Variants in TRAF3IP1 observed in about 807,000 individuals in gnomAD.
TRAF3IP1 encodes the protein intraflagellar transport 54.
In TRAF3IP1, 53 loss-of-function variants were observed where a neutral mutation model predicts 89.9. The ratio of observed to expected loss-of-function variants is 0.59; its 90% CI spans 0.47 to 0.74. The LOEUF (loss-of-function observed/expected upper bound fraction) is 0.74. Ranked by LOEUF, TRAF3IP1 falls within the 30% of genes least tolerant of loss-of-function variation. The pLI is 0.00. For missense variants in TRAF3IP1, 806 were observed against 866.1 expected (o/e 0.93, Z 0.87); for synonymous variants, 311 against 322.1 (o/e 0.97, Z 0.37).
At chr2:238,362,881 C>T (rs1699721977) in intron 15 of TRAF3IP1, among the ~76,000 whole-genome samples, 1 of 152,242 alleles carries the variant, frequency 6.6e-6, no homozygotes, top group Non-Finnish European at 1.5e-5. Flanking sequence ...ATGTGGGCCG[C>T]ACACAGTGGC....
chr2:238,386,299 T>C (rs1437257185), intron 15 of TRAF3IP1, among the ~76,000 whole-genome samples: 2 of 152,134 alleles, frequency 1.3e-5, no homozygotes, highest in Admixed American at 1.3e-4. Flanking sequence ...CTGAAAAATA[T>C]AACTCTTAAA....
intron 2 of TRAF3IP1, 35 bp downstream of exon 2, chr2:238,325,409 C>T (rs761571712): frequency 3.5e-5 from 57 of 1,608,738 alleles, no homozygotes; most frequent in African/African-American, 1.5e-4. Flanking sequence ...ATTGACTCCT[C>T]GCCTTAACGG....
rs565144429 is a variant in TRAF3IP1 at position 238,396,830 on chromosome 2, G to A, written c.1690-629G>A. 6.2e-4 allele frequency among the ~76,000 whole-genome samples: 94 copies of A among 152,224 alleles called. 1 individual carries two copies. The highest frequency in any genetic ancestry group is 2.2e-3 in the African/African-American group (92 of 41,534). On this transcript the variant is annotated intron_variant, in intron 15 of 16. Transcript: ENST00000373327. ...CCTGGACTCTGTGGCCTCCCTGAGC[G>A]GCCAGCACAGTCACGTCTAAGTCGA...
In TRAF3IP1 at chr2:238,386,415, C is replaced by T. The variant is rs1700775557; in HGVS notation, c.1690-11044C>T. ...GCAACCTCCGCCTCCCAGGTTCAAG[C>T]GATTCTCCTGCCTCAGCCTCCCAAG... is the stretch of plus-strand genomic sequence containing the variant. On this transcript the variant is annotated intron_variant, in intron 15 of 16. Transcript: ENST00000373327. 2.0e-5 allele frequency among the ~76,000 whole-genome samples: 3 copies of T among 152,176 alleles called. No homozygotes were observed. In the South Asian group the frequency reaches 6.2e-4, roughly 32 times the overall value.
intron 15 of TRAF3IP1, among the ~76,000 whole-genome samples, chr2:238,387,662 A>G (rs1700828935): frequency 6.6e-6 from 1 of 152,182 alleles, no homozygotes; most frequent in Admixed American, 6.5e-5. Flanking sequence ...GCCCTAGACA[A>G]AAAAAATAAC....
chr2:238,366,054 G>A (rs1303132363), intron 15 of TRAF3IP1, among the ~76,000 whole-genome samples: 1 of 152,134 alleles, frequency 6.6e-6, no homozygotes, highest in East Asian at 1.9e-4. Context: ...GACCATCCTG[G>A]CTAATATGGT....
rs1699133593 is a variant in TRAF3IP1 at position 238,351,152 on chromosome 2, CT to C, written c.1452-1674del. On this transcript the variant is annotated intron_variant, in intron 12 of 16. Transcript: ENST00000373327. This position sits in a 1 kb window ranked among gnomAD's most constrained non-coding sequence, Gnocchi z 5.2. ...GTTAGTGGTAGTGACAGGGGTGCCC[CT>C]GGGAGTGGGCGTCGAGTGTGGGAGG... Among the ~76,000 whole-genome samples the C allele has an allele frequency of 1.3e-5, 2 of 151,976 alleles. No individual in the cohort carries two copies. The highest frequency in any genetic ancestry group is 6.6e-5 in the Admixed American group (1 of 15,242).
At chr2:238,353,267 T>C in intron 14 of TRAF3IP1, 58 bp downstream of exon 14, 3 of 1,588,894 alleles carry the variant, frequency 1.9e-6, no homozygotes, top group Non-Finnish European at 2.6e-6. Context: ...ATGCACCTTC[T>C]CCACGTGGGC....
intron 7 of TRAF3IP1, among the ~76,000 whole-genome samples, chr2:238,337,718 C>T (rs1320611337): frequency 6.6e-6 from 1 of 152,092 alleles, no homozygotes; most frequent in East Asian, 1.9e-4. Context: ...AGATGAGATT[C>T]ATTGTGGGAG....
At chr2:238,338,338 C>A in intron 7 of TRAF3IP1, 24 bp from the exon 8 acceptor site, 2 of 1,345,136 alleles carry the variant, frequency 1.5e-6, no homozygotes, top group Admixed American at 2.2e-5. Flanking sequence ...ATATTTTAAT[C>A]TGTTGTTAAC....
chr2:238,375,783 TC>T (rs1700289790), intron 15 of TRAF3IP1, among the ~76,000 whole-genome samples: 2 of 152,242 alleles, frequency 1.3e-5, no homozygotes, highest in East Asian at 3.8e-4. Flanking sequence ...GGTTAAGAAA[TC>T]CTTCTGTATT....
intron 2 of TRAF3IP1, 107 bp from the exon 3 acceptor site, chr2:238,325,702 A>C (rs930108226): frequency 1.2e-5 from 14 of 1,129,956 alleles, no homozygotes; most frequent in Non-Finnish European, 1.6e-5. Context: ...ATCTAAAAAC[A>C]GCTTTGTATG....
At chr2:238,362,236 G>A (rs1432863651) in intron 15 of TRAF3IP1, among the ~76,000 whole-genome samples, 2 of 151,616 alleles carry the variant, frequency 1.3e-5, no homozygotes, top group Non-Finnish European at 2.9e-5. Flanking sequence ...GTTATTAGCT[G>A]TCCTTTCAAA....
intron 15 of TRAF3IP1, among the ~76,000 whole-genome samples, chr2:238,377,424 G>C (rs757865535): frequency 6.6e-6 from 1 of 151,618 alleles, no homozygotes; most frequent in Non-Finnish European, 1.5e-5. Flanking sequence ...CCACTGTGGG[G>C]CTTGGTTATT....
At chr2:238,363,033 ATATCT>A (rs1699729092) in intron 15 of TRAF3IP1, among the ~76,000 whole-genome samples, 1 of 152,242 alleles carries the variant, frequency 6.6e-6, no homozygotes, top group African/African-American at 2.4e-5. Flanking sequence ...TGATTTTAAA[ATATCT>A]TATCTATACT....
intron 15 of TRAF3IP1, among the ~76,000 whole-genome samples, chr2:238,361,782 C>T (rs1363265395): frequency 1.3e-5 from 2 of 151,100 alleles, no homozygotes; most frequent in Non-Finnish European, 2.9e-5. Flanking sequence ...TTGTGTGGTT[C>T]CATGAAAAAC....
chr2:238,340,774 A>C (rs1698603706), intron 8 of TRAF3IP1, among the ~76,000 whole-genome samples: 1 of 146,890 alleles, frequency 6.8e-6, no homozygotes, highest in South Asian at 2.1e-4. Context: ...CAGATTCACT[A>C]GTTTTACGTT....
rs994389733 is a variant in TRAF3IP1 at position 238,398,916 on chromosome 2, G to T, written c.2073G>T (p.Arg691Ser). 1 of 1,596,334 alleles carries T rather than the reference G, an allele frequency of 6.3e-7. No homozygotes were observed. Among genetic ancestry groups the T allele is most frequent in the Non-Finnish European group, 8.5e-7 (1 of 1,175,428 alleles). Reference protein sequence around the residue: ...MVYSINLTSRR With the variant: ...MVYSINLTSRS The stretch of plus-strand genomic sequence containing the variant: ...ATAGTATCAATTTGACTTCGAGAAG[G>T]TGAACACTCAAAAGTTTCAGAGATG... Residue 691 changes from arginine to serine, a missense_variant, in exon 17 of 17, where the codon AGG (arginine) becomes AGT (serine). By Grantham distance (110) the Arg-to-Ser change is moderately radical. Transcript: ENST00000373327.
At position 238,327,400 on chromosome 2, in the gene TRAF3IP1, T is replaced by C. The variant is rs571075841; in HGVS notation, c.355-1286T>C. On this transcript the variant is annotated intron_variant, in intron 3 of 16. Coordinates refer to ENST00000373327, the MANE Select transcript of TRAF3IP1 (RefSeq NM_015650.4). ...GTACACGGTGTGTCTTTGGCCTAAA[T>C]GGAGCCTGGCACGCGGCAATCACGC... Among the ~76,000 whole-genome samples, 9 of 152,318 alleles carry C rather than the reference T, an allele frequency of 5.9e-5. No individual in the cohort carries two copies. The South Asian group carries it at 1.9e-3, about 32-fold the overall frequency.
Sources: allele counts gnomAD v4.1 joint callset (sites outside exome capture counted in the v4.1 genomes callset), GRCh38; gene constraint gnomAD v4.1.1; non-coding constraint Gnocchi (gnomAD v3.1); transcripts MANE v1.5; gene names NCBI Gene and HGNC (gene_info 2026-07-23, HGNC 2026-07-21).